Variants in NRG1 observed in about 807,000 individuals in gnomAD.
NRG1 encodes the protein pro-neuregulin-1, membrane-bound isoform.
NRG1 carries 18 observed loss-of-function variants against 63.8 expected under a neutral mutation model. The ratio of observed to expected loss-of-function variants is 0.28; its 90% CI spans 0.19 to 0.42. The LOEUF is 0.42. Among genes scored for constraint, NRG1 ranks in the 10% least tolerant of loss-of-function variants. The pLI, the probability that NRG1 is intolerant of heterozygous loss-of-function variation, is 1.00. For synonymous variants in NRG1, 302 were observed against 301.3 expected (o/e 1.00, Z -0.02); for missense variants, 762 against 814.7 (o/e 0.94, Z 0.79).
At chr8:32,248,747 T>C (rs73248764) in intron 1 of NRG1, among the ~76,000 whole-genome samples, 6,481 of 152,164 alleles carry the variant, frequency 0.043, 183 homozygotes, top group Non-Finnish European at 0.064. Context: ...AATGCTAGGT[T>C]ATTTGGTTGG....
intron 5 of NRG1, among the ~76,000 whole-genome samples, chr8:32,681,703 C>T (rs1808684801): frequency 6.6e-6 from 1 of 152,128 alleles, no homozygotes; most frequent in Non-Finnish European, 1.5e-5. Context: ...GGAATATCGT[C>T]ACTTGTACAA....
intron 1 of NRG1, among the ~76,000 whole-genome samples, chr8:32,382,516 T>G (rs186475526): frequency 6.6e-6 from 1 of 152,340 alleles, no homozygotes; most frequent in East Asian, 1.9e-4. Context: ...AAACTCTCAC[T>G]ATTGCAAGGT....
intron 1 of NRG1, among the ~76,000 whole-genome samples, chr8:32,023,938 G>C (rs909909197): frequency 3.3e-5 from 5 of 152,144 alleles, no homozygotes; most frequent in African/African-American, 1.2e-4. Flanking sequence ...AATACCGCTG[G>C]GTTAGTTTGG....
At chr8:32,413,738 A>G (rs1353692579) in intron 1 of NRG1, among the ~76,000 whole-genome samples, 1 of 152,192 alleles carries the variant, frequency 6.6e-6, no homozygotes, top group Non-Finnish European at 1.5e-5. Context: ...CCTGCTGAAC[A>G]TGCATAGGCA....
chr8:32,647,574 G>A, intron 5 of NRG1: 1 of 1,375,852 alleles, frequency 7.3e-7, no homozygotes, highest in Non-Finnish European at 9.4e-7. Context: ...GCATCTTTCT[G>A]AACTCTTCTT....
In NRG1 at chr8:31,640,076, C is replaced by T; in HGVS notation, c.37+645C>T. Reference sequence around the variant, plus strand: ...GCCGCCCGCTCGTCGCCGCCGCTGCCGCTGCTGCCACTACTGCTGCTGCTG... The same window carrying T: ...GCCGCCCGCTCGTCGCCGCCGCTGCTGCTGCTGCCACTACTGCTGCTGCTG... On this transcript the variant is annotated intron_variant, in intron 1 of 10. Coordinates refer to the NRG1 transcript ENST00000519301. This position sits in a 1 kb window ranked among gnomAD's most constrained non-coding sequence, Gnocchi z 6.3. 7.0e-6 allele frequency: 8 copies of T among 1,136,168 alleles called. No individual in the cohort carries two copies. The highest frequency in any genetic ancestry group is 8.6e-6 in the Non-Finnish European group (8 of 928,020). 70.4% of individuals were successfully genotyped at this position (1,136,168 alleles called of 1,614,324 possible).
chr8:32,319,878 A>G (rs1467452169), intron 1 of NRG1, among the ~76,000 whole-genome samples: 1 of 152,158 alleles, frequency 6.6e-6, no homozygotes, highest in Non-Finnish European at 1.5e-5. Flanking sequence ...ACACTAATAT[A>G]AATATTAATA....
At chr8:32,345,686 A>T (rs112105782) in intron 1 of NRG1, among the ~76,000 whole-genome samples, 2,319 of 152,256 alleles carry the variant, frequency 0.015, 57 homozygotes, top group African/African-American at 0.053. Flanking sequence ...TCAAAAGTAT[A>T]TGGCCAGGTG....
intron 1 of NRG1, among the ~76,000 whole-genome samples, chr8:32,275,157 G>A (rs528472069): frequency 2.6e-5 from 4 of 152,224 alleles, no homozygotes; most frequent in East Asian, 1.9e-4. Flanking sequence ...GACAGCTCCC[G>A]CCTCTGTGTT....
At chr8:32,580,911 G>C (rs1840529476) in intron 1 of NRG1, among the ~76,000 whole-genome samples, 1 of 152,150 alleles carries the variant, frequency 6.6e-6, no homozygotes, top group South Asian at 2.1e-4. Context: ...TTAGTGATCA[G>C]TTCTCAAAGC....
intron 1 of NRG1, among the ~76,000 whole-genome samples, chr8:32,407,244 C>CTA (rs1371492093): frequency 1.5e-5 from 2 of 135,946 alleles, no homozygotes; most frequent in South Asian, 2.3e-4. Flanking sequence ...TGGTAGAAGA[C>CTA]TATATATATA....
chr8:32,063,691 A>G (rs1824258254), intron 1 of NRG1, among the ~76,000 whole-genome samples: 1 of 152,148 alleles, frequency 6.6e-6, no homozygotes, highest in African/African-American at 2.4e-5. Context: ...TATTAATTTA[A>G]GATCTTTAAG....
intron 1 of NRG1, among the ~76,000 whole-genome samples, chr8:32,259,027 C>A (rs563578562): frequency 2.3e-4 from 35 of 152,238 alleles, no homozygotes; most frequent in Admixed American, 1.8e-3. Context: ...CAATAAGAGA[C>A]CTGCAAATAC....
intron 1 of NRG1, among the ~76,000 whole-genome samples, chr8:31,839,995 A>G (rs575724858): frequency 2.0e-5 from 3 of 152,302 alleles, no homozygotes; most frequent in Admixed American, 2.0e-4. Context: ...ATGGTCTAGA[A>G]TAACAGAATT....
At position 32,693,253 on chromosome 8, in the gene NRG1, C is replaced by T. The variant is rs376448822; in HGVS notation, c.503-34696C>T. 2.9e-4 allele frequency among the ~76,000 whole-genome samples: 43 copies of T among 147,886 alleles called. No individual in the cohort carries two copies. In the South Asian group the frequency reaches 7.1e-3, roughly 24 times the overall value. On this transcript the variant is annotated intron_variant, in intron 5 of 11. Coordinates refer to ENST00000356819, the Ensembl canonical transcript of NRG1. Reference sequence around the variant, plus strand: ...TTTTCTTTTGAGACAGAGTCTCGCTCTGTCACCCAGGCTGGAGTGCAGTGG... The same window carrying T: ...TTTTCTTTTGAGACAGAGTCTCGCTTTGTCACCCAGGCTGGAGTGCAGTGG...
chr8:32,236,026 G>A (rs1449089936), intron 1 of NRG1, among the ~76,000 whole-genome samples: 2 of 152,138 alleles, frequency 1.3e-5, no homozygotes, highest in African/African-American at 4.8e-5. Flanking sequence ...GAGGCTGAGA[G>A]CAAGAAGTTA....
At chr8:32,215,363 A>G (rs957906436) in intron 1 of NRG1, among the ~76,000 whole-genome samples, 2 of 152,214 alleles carry the variant, frequency 1.3e-5, no homozygotes, top group Non-Finnish European at 2.9e-5. Flanking sequence ...TCTGACAACC[A>G]GCATAGACTG....
At chr8:32,562,706 G>T (rs1286872900) in intron 1 of NRG1, among the ~76,000 whole-genome samples, 1 of 152,120 alleles carries the variant, frequency 6.6e-6, no homozygotes. Flanking sequence ...GCCTGTAAAA[G>T]TGTATCATGA....
At chr8:31,823,586 T>C (rs1208711108) in intron 1 of NRG1, among the ~76,000 whole-genome samples, 2 of 152,210 alleles carry the variant, frequency 1.3e-5, no homozygotes, top group African/African-American at 2.4e-5. Context: ...ACTTGAAGTT[T>C]CCAGCAGATT....
Sources: gnomAD v4.1 joint callset for allele counts (sites outside exome capture counted in the v4.1 genomes callset) on GRCh38, gnomAD v4.1.1 for gene constraint, Gnocchi (gnomAD v3.1) non-coding constraint, MANE v1.5 for transcripts, NCBI Gene and HGNC (gene_info 2026-07-23, HGNC 2026-07-21) for gene names.